The following FRYL variants were observed in gnomAD, a reference collection of about 807,000 sequenced individuals.
FRYL encodes the protein FRY like transcription coactivator.
A neutral mutation model predicts 351.2 loss-of-function variants in FRYL; 150 were observed. The observed-to-expected ratio is 0.43, with a 90% CI of 0.37 to 0.49. The LOEUF is 0.49. Among genes scored for constraint, FRYL ranks in the 20% least tolerant of loss-of-function variants. The pLI is 0.00. For missense variants in FRYL, 3,036 were observed against 3,619.3 expected (o/e 0.84, Z 4.13); for synonymous variants, 1,153 against 1,257.1 (o/e 0.92, Z 1.75).
chr4:48,636,870 T>G (rs1754330583), intron 3 of FRYL: 2 of 152,128 alleles, frequency 1.3e-5, no homozygotes, highest in South Asian at 4.1e-4. Flanking sequence ...AATTTCAAAT[T>G]TTATTTTGTT....
chr4:48,625,222 T>C (rs527640329), intron 4 of FRYL, among the ~76,000 whole-genome samples: 1 of 152,270 alleles, frequency 6.6e-6, no homozygotes, highest in Non-Finnish European at 1.5e-5. Flanking sequence ...CCCTGAACAA[T>C]ACAAACATAA....
chr4:48,540,856 A>C lies in FRYL; in HGVS notation c.5792T>G (p.Leu1931Trp), dbSNP rs1440757014. The C allele has an allele frequency of 6.2e-7, 1 of 1,614,006 alleles. No homozygotes were observed. The highest frequency in any genetic ancestry group is 8.5e-7 in the Non-Finnish European group (1 of 1,179,926). Residue 1931 changes from leucine to tryptophan, a missense_variant, in exon 46 of 64, where the codon TTG (leucine) becomes TGG (tryptophan). This residue lies in a region of FRYL where 1,987 missense variants were observed against 2,311.7 expected (regional missense o/e 0.86). Transcript: ENST00000358350. ...STSPINSSSYLGYNSNARSNS... is the reference protein window; with the variant it reads ...STSPINSSSYWGYNSNARSNS... The stretch of plus-strand genomic sequence containing the variant: ...ACTTCTTGCATTACTGTTATATCCC[A>C]AATAACTGCTACTATTAATGGGACT...
At chr4:48,694,898 C>T (rs1437724661) in intron 2 of FRYL, among the ~76,000 whole-genome samples, 3 of 152,088 alleles carry the variant, frequency 2.0e-5, no homozygotes, top group Non-Finnish European at 2.9e-5. Context: ...ATAGTGAAAC[C>T]TCATCTCTAG....
chr4:48,523,189 A>G (rs1245368206), intron 53 of FRYL, 85 bp from the exon 54 acceptor site: 2 of 893,554 alleles, frequency 2.2e-6, no homozygotes, highest in Non-Finnish European at 3.5e-6. Flanking sequence ...AACATATACC[A>G]AGATGAAAAA....
intron 5 of FRYL, among the ~76,000 whole-genome samples, chr4:48,622,494 T>C (rs1206223715): frequency 6.6e-6 from 1 of 152,184 alleles, no homozygotes; most frequent in Non-Finnish European, 1.5e-5. Flanking sequence ...CACAGTATTT[T>C]GGTAAGTCTC....
In FRYL at chr4:48,710,667, C is replaced by T. The variant is rs146901351; in HGVS notation, c.-352G>A. ...TACAAAGCAGTAGTGAGTGAGTCAC[C>T]GTGTGTGAAGCAGAATATGGAATGT... On this transcript the variant is annotated 5_prime_UTR_variant, in exon 2 of 64. Coordinates refer to ENST00000358350, the MANE Select transcript of FRYL (RefSeq NM_015030.2). 727 of 398,104 alleles carry T rather than the reference C, an allele frequency of 1.8e-3. 5 individuals carry two copies. The highest frequency in any genetic ancestry group is 0.014 in the African/African-American group (663 of 48,658). The allele number at this position is 398,104 out of a possible 1,614,324, so 24.7% of individuals were successfully genotyped here.
intron 6 of FRYL, among the ~76,000 whole-genome samples, chr4:48,619,992 A>T (rs1334452729): frequency 6.6e-6 from 1 of 152,250 alleles, no homozygotes; most frequent in East Asian, 1.9e-4. Flanking sequence ...TTTGATTACT[A>T]GTATTTTGTT....
chr4:48,620,914 G>C, intron 5 of FRYL, 136 bp from the exon 6 acceptor site: 3 of 770,506 alleles, frequency 3.9e-6, no homozygotes, highest in Non-Finnish European at 5.9e-6. Flanking sequence ...ATTAAAGCAA[G>C]GGTCAAGGGT....
chr4:48,593,808 C>A, intron 16 of FRYL, 122 bp downstream of exon 16: 1 of 486,948 alleles, frequency 2.1e-6, no homozygotes, highest in Non-Finnish European at 3.6e-6. Context: ...AGTAACTTGT[C>A]CTGGATCACA....
At chr4:48,711,863 G>GA (rs1768093413) in intron 1 of FRYL, among the ~76,000 whole-genome samples, 1 of 152,106 alleles carries the variant, frequency 6.6e-6, no homozygotes, top group Non-Finnish European at 1.5e-5. Context: ...ACTCCTCTGA[G>GA]ACAAAACTTC....
At chr4:48,550,513 T>C in intron 38 of FRYL, 79 bp downstream of exon 38, 1 of 857,662 alleles carries the variant, frequency 1.2e-6, no homozygotes, top group Non-Finnish European at 1.9e-6. Flanking sequence ...TTACTGAAAA[T>C]ATATATTTAT....
chr4:48,662,413 T>TA lies in FRYL; in HGVS notation c.-81+22259dup, dbSNP rs960323626. Among the ~76,000 whole-genome samples the TA allele has an allele frequency of 4.0e-5, 6 of 151,622 alleles. No homozygotes were observed. In the East Asian group the frequency reaches 7.7e-4, roughly 20 times the overall value. On this transcript the variant is annotated intron_variant, in intron 3 of 63. Transcript: ENST00000358350. ...GGGCAACAGAGCGAGACCCTGTCTC[T>TA]AAAAAAAATAACAATAACAATAATA... is the stretch of plus-strand genomic sequence containing the variant.
chr4:48,619,005 G>A (rs1702799), intron 7 of FRYL: 302,815 of 304,818 alleles, frequency 0.99, 150,443 homozygotes, highest in East Asian at 1. Flanking sequence ...TACAGCTAAA[G>A]GTCAATATTA....
At chr4:48,656,026 A>ACG (rs1758845734) in intron 3 of FRYL, among the ~76,000 whole-genome samples, 1 of 136,306 alleles carries the variant, frequency 7.3e-6, no homozygotes, top group Non-Finnish European at 1.5e-5. Flanking sequence ...AATGTAAAAT[A>ACG]TAATGTATGT....
intron 31 of FRYL, among the ~76,000 whole-genome samples, chr4:48,563,609 T>G (rs917869062): frequency 1.3e-5 from 2 of 150,372 alleles, no homozygotes; most frequent in African/African-American, 2.5e-5. Context: ...ACTCGGGAGG[T>G]TGAGGTGGGA....
intron 1 of FRYL, among the ~76,000 whole-genome samples, chr4:48,721,278 G>T (rs1460916134): frequency 6.6e-6 from 1 of 152,070 alleles, no homozygotes; most frequent in African/African-American, 2.4e-5. Flanking sequence ...GGTAGAGAGT[G>T]GAGGGGCAGG....
intron 3 of FRYL, chr4:48,653,969 C>G: frequency 8.6e-7 from 1 of 1,158,680 alleles, no homozygotes; most frequent in Non-Finnish European, 1.1e-6. Flanking sequence ...TGACGCACAA[C>G]TATAGTGGAA....
intron 1 of FRYL, among the ~76,000 whole-genome samples, chr4:48,760,657 A>T (rs1589107): frequency 0.51 from 76,922 of 151,822 alleles, 19,875 homozygotes; most frequent in South Asian, 0.61. Context: ...AGTAAGTATG[A>T]TGTTAACTGT....
intron 1 of FRYL, among the ~76,000 whole-genome samples, chr4:48,751,789 G>A (rs1242884821): frequency 6.6e-6 from 1 of 151,960 alleles, no homozygotes; most frequent in African/African-American, 2.4e-5. Flanking sequence ...GAATATTGCT[G>A]GTTGTATATC....
Sources: gnomAD v4.1 joint callset for allele counts (sites outside exome capture counted in the v4.1 genomes callset) on GRCh38, gnomAD v4.1.1 for gene constraint, gnomAD v4.1.1 regional missense constraint, MANE v1.5 for transcripts, NCBI Gene and HGNC (gene_info 2026-07-23, HGNC 2026-07-21) for gene names.